CTBP2: variants seen among roughly 807,000 people sequenced by gnomAD.
The protein encoded by CTBP2 is C-terminal-binding protein 2.
Under a neutral mutation model 80.3 loss-of-function variants are expected in CTBP2, and 30 were observed. The observed-to-expected ratio is 0.37, with a 90% CI of 0.28 to 0.51. The LOEUF is 0.51. Among genes scored for constraint, CTBP2 ranks in the 20% least tolerant of loss-of-function variants. The pLI, the probability that CTBP2 is intolerant of heterozygous loss-of-function variation, is 0.93. For synonymous variants in CTBP2, 594 were observed against 587.4 expected (o/e 1.01, Z -0.16); for missense variants, 1,212 against 1,375.3 (o/e 0.88, Z 1.88).
rs555649770 is a variant in CTBP2 at position 125,083,122 on chromosome 10, C to T, written c.-102+27868G>A. Reference sequence around the variant, plus strand: ...GTTATCCCCTTGGCTCTGCAGCCAGCGGCTGCTGCAGAACACGTGTTGGAC... The same window carrying T: ...GTTATCCCCTTGGCTCTGCAGCCAGTGGCTGCTGCAGAACACGTGTTGGAC... On this transcript the variant is annotated intron_variant, in intron 2 of 10. Transcript: ENST00000337195. Among the ~76,000 whole-genome samples, 8 of 152,302 alleles carry T rather than the reference C, an allele frequency of 5.3e-5. No homozygotes were observed. The South Asian group carries it at 8.3e-4, about 16-fold the overall frequency.
At chr10:125,090,954 T>C (rs1259384380) in intron 2 of CTBP2, among the ~76,000 whole-genome samples, 3 of 152,124 alleles carry the variant, frequency 2.0e-5, no homozygotes, top group African/African-American at 4.8e-5. Flanking sequence ...AAGGAGGAAA[T>C]TGGCGCAAAG....
At chr10:125,121,983 C>T (rs1169368746) in intron 1 of CTBP2, among the ~76,000 whole-genome samples, 1 of 152,180 alleles carries the variant, frequency 6.6e-6, no homozygotes, top group African/African-American at 2.4e-5. Flanking sequence ...GACCAACCTG[C>T]GGCCCACCCT....
upstream of CTBP2, among the ~76,000 whole-genome samples, chr10:125,029,305 G>A (rs1355724006): frequency 4.0e-5 from 6 of 148,956 alleles, no homozygotes; most frequent in African/African-American, 1.2e-4. Context: ...GCAATGGCGC[G>A]ATCTCGGCTC....
intron 2 of CTBP2, among the ~76,000 whole-genome samples, chr10:125,074,791 A>C (rs1846038737): frequency 6.6e-6 from 1 of 152,116 alleles, no homozygotes; most frequent in African/African-American, 2.4e-5. Flanking sequence ...CTTCTCAACA[A>C]CTTGGACCCC....
chr10:125,098,700 GAGAGAGAC>G lies in CTBP2; in HGVS notation c.-102+12282_-102+12289del, dbSNP rs1564914067. On this transcript the variant is annotated intron_variant, in intron 2 of 10. Coordinates refer to the CTBP2 transcript ENST00000337195. The stretch of plus-strand genomic sequence containing the variant: ...AGAGAGAGAGAGAGAGAGAGAGAGA[GAGAGAGAC>G]AGAGAGAGAGAGAGACAGAGAGAGA... Among the ~76,000 whole-genome samples the G allele has an allele frequency of 7.7e-4, 65 of 84,902 alleles. 1 individual carries two copies. The highest frequency in any genetic ancestry group is 1.9e-3 in the Admixed American group (14 of 7,410). 55.7% of individuals were successfully genotyped at this position (84,902 alleles called of 152,430 possible). A position where few individuals can be genotyped will look rare whatever the true frequency, so the allele number is the denominator to read the frequency against.
intron 2 of CTBP2, among the ~76,000 whole-genome samples, chr10:125,084,083 A>G (rs1349654697): frequency 4.6e-5 from 7 of 152,060 alleles, no homozygotes; most frequent in African/African-American, 1.7e-4. Context: ...GCCTGGCCCC[A>G]GCTACGTTTT....
At chr10:125,031,743 G>C (rs1187858688), upstream of CTBP2, among the ~76,000 whole-genome samples, 1 of 152,196 alleles carries the variant, frequency 6.6e-6, no homozygotes, top group Admixed American at 6.5e-5. Context: ...AAGGGGCTGA[G>C]TGCACCGTGC....
chr10:125,093,325 G>A (rs1849064296), intron 2 of CTBP2, among the ~76,000 whole-genome samples: 1 of 152,236 alleles, frequency 6.6e-6, no homozygotes, highest in South Asian at 2.1e-4. Context: ...AATTCTCACT[G>A]AAGAATTCCA....
intron 1 of CTBP2, among the ~76,000 whole-genome samples, chr10:125,156,042 C>A (rs950625649): frequency 6.6e-6 from 1 of 152,178 alleles, no homozygotes; most frequent in African/African-American, 2.4e-5. Context: ...TGGGTCACTT[C>A]CATTAAGTAC....
rs764705807 is a variant in CTBP2, at chr10:125,005,964, G to A, written c.1679-2472C>T. On this transcript the variant is annotated intron_variant, in intron 1 of 8. Coordinates refer to ENST00000309035, the MANE Select transcript of CTBP2 (RefSeq NM_022802.3). The stretch of plus-strand genomic sequence containing the variant: ...GGAAAACCACGCTGGGCGCAAGGTG[G>A]GAATCCAGAGCCGCTGATGCGTCTG... 2.0e-5 allele frequency: 30 copies of A among 1,478,436 alleles called. No individual in the cohort carries two copies. The Admixed American group carries it at 3.5e-4, about 17-fold the overall frequency. 91.6% of individuals were successfully genotyped at this position (1,478,436 alleles called of 1,614,324 possible).
chr10:125,004,205 C>T (rs1469593553), intron 1 of CTBP2, among the ~76,000 whole-genome samples: 1 of 152,152 alleles, frequency 6.6e-6, no homozygotes, highest in East Asian at 1.9e-4. Flanking sequence ...AGTCCAAGTA[C>T]AAATTCTCTA....
At chr10:125,143,444 C>T (rs1282197053) in intron 1 of CTBP2, among the ~76,000 whole-genome samples, 3 of 152,212 alleles carry the variant, frequency 2.0e-5, no homozygotes, top group Admixed American at 6.5e-5. Context: ...CGCCACTGCA[C>T]TCCAGCCTGG....
intron 2 of CTBP2, among the ~76,000 whole-genome samples, chr10:125,049,525 A>G (rs1303492577): frequency 6.6e-6 from 1 of 152,138 alleles, no homozygotes; most frequent in Non-Finnish European, 1.5e-5. Context: ...TCCAAGTCAC[A>G]TTCAGTGGGA....
At chr10:125,121,792 C>T (rs1418652297) in intron 1 of CTBP2, among the ~76,000 whole-genome samples, 1 of 152,226 alleles carries the variant, frequency 6.6e-6, no homozygotes, top group Non-Finnish European at 1.5e-5. Flanking sequence ...TTCCACCTTG[C>T]GCCACACCAC....
chr10:125,118,885 C>T (rs1157571965), intron 1 of CTBP2, among the ~76,000 whole-genome samples: 2 of 152,218 alleles, frequency 1.3e-5, no homozygotes, highest in African/African-American at 4.8e-5. Flanking sequence ...TGGTTCCACA[C>T]TGTAAGTGGA....
chr10:125,023,741 A>G (rs535383434), intron 1 of CTBP2, among the ~76,000 whole-genome samples: 2 of 152,374 alleles, frequency 1.3e-5, no homozygotes, highest in Admixed American at 1.3e-4. Context: ...ACCCACCAAG[A>G]TAAGGCAGGT....
At chr10:125,116,992 G>A (rs1021828894) in intron 1 of CTBP2, among the ~76,000 whole-genome samples, 1 of 152,176 alleles carries the variant, frequency 6.6e-6, no homozygotes, top group Non-Finnish European at 1.5e-5. Context: ...AAGGACCAGG[G>A]ACAGGCACTC....
chr10:125,126,897 C>T (rs1306771425), intron 1 of CTBP2, among the ~76,000 whole-genome samples: 1 of 151,346 alleles, frequency 6.6e-6, no homozygotes, highest in Non-Finnish European at 1.5e-5. Flanking sequence ...TTGCCTGCTG[C>T]ACCACACACG....
chr10:125,013,137 G>C (rs1274221508), intron 1 of CTBP2, among the ~76,000 whole-genome samples: 1 of 152,170 alleles, frequency 6.6e-6, no homozygotes, highest in Non-Finnish European at 1.5e-5. Flanking sequence ...GAGATTCTCA[G>C]TTCAAAGGCC....
Sources: allele counts gnomAD v4.1 joint callset (sites outside exome capture counted in the v4.1 genomes callset), GRCh38; gene constraint gnomAD v4.1.1; transcripts MANE v1.5; gene names NCBI Gene and HGNC (gene_info 2026-07-23, HGNC 2026-07-21).